The following PIGU variants were observed in gnomAD, a reference collection of about 807,000 sequenced individuals.
PIGU encodes phosphatidylinositol glycan anchor biosynthesis class U, also known as GPI-anchor transamidase component PIGU.
PIGU carries 24 observed loss-of-function variants against 49.9 expected under a neutral mutation model. The observed-to-expected ratio is 0.48, with a 90% CI of 0.35 to 0.68. The LOEUF (loss-of-function observed/expected upper bound fraction) is 0.68. PIGU is among the 30% of genes least tolerant of loss of function. PIGU has a pLI of 0.01. For synonymous variants in PIGU, 220 were observed against 205.7 expected, an observed-to-expected ratio of 1.07 and a Z score of -0.59; for missense variants, 490 against 532.6, an observed-to-expected ratio of 0.92 and a Z score of 0.79.
chr20:34,618,180 A>G (rs901261110), intron 6 of PIGU, among the ~76,000 whole-genome samples: 18 of 152,210 alleles, frequency 1.2e-4, no homozygotes, highest in African/African-American at 4.1e-4. Context: ...AATTATGAAC[A>G]ATTTTTCATT....
intron 1 of PIGU, among the ~76,000 whole-genome samples, chr20:34,669,450 T>C (rs1987234882): frequency 6.6e-6 from 1 of 152,096 alleles, no homozygotes; most frequent in Admixed American, 6.5e-5. Flanking sequence ...GTAGATCACT[T>C]GAGGTCAGGA....
intron 6 of PIGU, among the ~76,000 whole-genome samples, chr20:34,626,935 T>C (rs1186850030): frequency 1.3e-5 from 2 of 151,978 alleles, no homozygotes; most frequent in Admixed American, 1.3e-4. Context: ...TTTATTAATA[T>C]TATGTGGTAA....
intron 11 of PIGU, among the ~76,000 whole-genome samples, chr20:34,567,722 C>T (rs954849140): frequency 1.3e-5 from 2 of 152,002 alleles, no homozygotes; most frequent in Non-Finnish European, 2.9e-5. Flanking sequence ...TCTGAATTGC[C>T]CTCATTCCCT....
At chr20:34,617,178 C>T (rs1036898519) in intron 6 of PIGU, among the ~76,000 whole-genome samples, 2 of 152,206 alleles carry the variant, frequency 1.3e-5, no homozygotes, top group African/African-American at 4.8e-5. Flanking sequence ...GTCGGAGCCC[C>T]CACACAGAGT....
chr20:34,613,572 C>G (rs1443023920), intron 7 of PIGU, among the ~76,000 whole-genome samples: 1 of 152,058 alleles, frequency 6.6e-6, no homozygotes, highest in Admixed American at 6.6e-5. Flanking sequence ...AATTTCTGGT[C>G]CATCCATGTG....
chr20:34,614,050 C>T (rs910996460), intron 7 of PIGU, among the ~76,000 whole-genome samples: 1 of 152,164 alleles, frequency 6.6e-6, no homozygotes, highest in African/African-American at 2.4e-5. Context: ...AATCCCAGCA[C>T]TTTGGGAGGC....
At chr20:34,591,713 CAATAT>C (rs949006669) in intron 7 of PIGU, among the ~76,000 whole-genome samples, 9 of 152,018 alleles carry the variant, frequency 5.9e-5, no homozygotes, top group African/African-American at 2.2e-4. Context: ...TTCAAGTATA[CAATAT>C]ATTATTAACT....
chr20:34,631,916 T>C (rs1985795577), intron 6 of PIGU, among the ~76,000 whole-genome samples: 2 of 148,068 alleles, frequency 1.4e-5, no homozygotes, highest in South Asian at 4.4e-4. Flanking sequence ...CTTGGCTCAA[T>C]GTAGCCTTAA....
intron 11 of PIGU, among the ~76,000 whole-genome samples, chr20:34,565,526 G>A (rs1165307088): frequency 6.6e-6 from 1 of 152,056 alleles, no homozygotes; most frequent in East Asian, 1.9e-4. Flanking sequence ...TCCCAGTGCT[G>A]GTATTACAGG....
chr20:34,659,024 G>A (rs1476862280), intron 1 of PIGU, among the ~76,000 whole-genome samples: 2 of 147,514 alleles, frequency 1.4e-5, no homozygotes, highest in Non-Finnish European at 3.0e-5. Flanking sequence ...ACCCCCTACT[G>A]GGAAGTGAGG....
intron 6 of PIGU, among the ~76,000 whole-genome samples, chr20:34,633,326 TG>T (rs1177515445): frequency 2.0e-5 from 3 of 151,942 alleles, no homozygotes; most frequent in Non-Finnish European, 4.4e-5. Flanking sequence ...TAGCCAGGCA[TG>T]ATGGAGGGTG....
intron 11 of PIGU, among the ~76,000 whole-genome samples, chr20:34,564,660 T>A (rs1335914346): frequency 6.6e-6 from 1 of 152,248 alleles, no homozygotes; most frequent in Non-Finnish European, 1.5e-5. Context: ...CTGAAATATT[T>A]AGCAGGAAAT....
chr20:34,598,657 T>A (rs755405501), intron 7 of PIGU, among the ~76,000 whole-genome samples: 5 of 152,188 alleles, frequency 3.3e-5, no homozygotes, highest in Non-Finnish European at 5.9e-5. Flanking sequence ...AACCACCACT[T>A]ATGAAAAAGG....
chr20:34,602,230 C>T (rs1158410956), intron 7 of PIGU, among the ~76,000 whole-genome samples: 3 of 146,646 alleles, frequency 2.0e-5, no homozygotes, highest in Non-Finnish European at 4.5e-5. Context: ...TGCAGTGAGC[C>T]GAGACTGCGC....
At position 34,634,678 on chromosome 20, in the gene PIGU, C is replaced by A; in HGVS notation, c.466G>T (p.Ala156Ser). The change falls in exon 6 of 12, where the codon GCC (alanine) becomes TCC (serine). Residue 156 changes from alanine to serine, a missense_variant. Physicochemically the swap from Ala to Ser is moderately conservative, Grantham distance 99. Coordinates refer to ENST00000217446, the MANE Select transcript of PIGU (RefSeq NM_080476.5). ...LNPYTILSCV[A>S]KSTCAINNTL... ...TTGTTGATGGCACAGGTAGACTTGGCAACACAAGACAAAATCGTGTAAGGA... is the reference window on the plus strand; with the variant it reads ...TTGTTGATGGCACAGGTAGACTTGGAAACACAAGACAAAATCGTGTAAGGA... 1 of 1,612,754 alleles carries A rather than the reference C, an allele frequency of 6.2e-7. No homozygotes were observed. The highest frequency in any genetic ancestry group is 8.5e-7 in the Non-Finnish European group (1 of 1,179,086).
chr20:34,645,329 T>G lies in PIGU; in HGVS notation c.201A>C (p.Pro67=), dbSNP rs1192682453. ...GGAAATGAAAGAGGTATATTATTAA[T>G]GGAGTCTGCAGAAAAAAAACAGACA... ...PYSGAVFHET[P]LIIYLFHFLI... The change falls in exon 3 of 12, where the codon CCA becomes CCC. Residue 67 remains proline, a synonymous_variant. Transcript: ENST00000217446. The G allele has an allele frequency of 1.3e-6, 2 of 1,569,170 alleles. No individual in the cohort carries two copies. The highest frequency in any genetic ancestry group is 1.7e-4 in the Middle Eastern group (1 of 5,882).
At chr20:34,631,215 A>T (rs1028518882) in intron 6 of PIGU, among the ~76,000 whole-genome samples, 12 of 152,264 alleles carry the variant, frequency 7.9e-5, no homozygotes, top group African/African-American at 2.9e-4. Flanking sequence ...TTAAAACTCA[A>T]TAGAGGAGCT....
At chr20:34,645,754 G>A (rs571662310) in intron 2 of PIGU, among the ~76,000 whole-genome samples, 10 of 151,980 alleles carry the variant, frequency 6.6e-5, no homozygotes, top group African/African-American at 2.4e-4. Flanking sequence ...AAAATTAGCC[G>A]GGCGTGGTGG....
intron 6 of PIGU, among the ~76,000 whole-genome samples, chr20:34,633,294 T>A (rs1259359779): frequency 6.6e-6 from 1 of 151,960 alleles, no homozygotes. Context: ...CAAAACCCTG[T>A]CTCTATAAAA....
Sources: allele counts gnomAD v4.1 joint callset (sites outside exome capture counted in the v4.1 genomes callset), GRCh38; gene constraint gnomAD v4.1.1; transcripts MANE v1.5; gene names NCBI Gene and HGNC (gene_info 2026-07-23, HGNC 2026-07-21).